Variants in FAT2 observed in about 807,000 individuals in gnomAD.
FAT2 encodes the protein FAT atypical cadherin 2.
In FAT2, 150 loss-of-function variants were observed where a neutral mutation model predicts 295.3. That is an observed-to-expected ratio of 0.51 (90% CI 0.44 to 0.58). The LOEUF is 0.58. Among genes scored for constraint, FAT2 ranks in the 20% least tolerant of loss-of-function variants. The pLI, the probability that FAT2 is intolerant of heterozygous loss-of-function variation, is 0.00. For synonymous variants in FAT2, 2,026 were observed against 2,150.3 expected, an observed-to-expected ratio of 0.94 and a Z score of 1.60; for missense variants, 4,868 against 5,442.7, an observed-to-expected ratio of 0.89 and a Z score of 3.32.
chr5:151,571,857 A>T (rs527810468), intron 1 of FAT2, among the ~76,000 whole-genome samples: 84 of 152,348 alleles, frequency 5.5e-4, no homozygotes, highest in Non-Finnish European at 1.0e-3. Flanking sequence ...GTGGCTTCCC[A>T]TAGCACTTAG....
Position 151,566,460 on chromosome 5 carries a change from C to T in FAT2, c.2472G>A (p.Gly824=), listed in dbSNP as rs115994870. The change falls in exon 2 of 24, where the codon GGG becomes GGA. Residue 824 remains glycine, a synonymous_variant. Coordinates refer to ENST00000261800, the MANE Select transcript of FAT2 (RefSeq NM_001447.3). ...NDNAPRFPPG[G]YQLTISEDTE... is the part of the protein sequence containing the mutation. ...TGTCCTCCGAGATGGTTAACTGGTA[C>T]CCACCGGGAGGAAATCTGGGTGCGT... 1,392 of 1,613,258 alleles carry T rather than the reference C, an allele frequency of 8.6e-4. 9 individuals are homozygous for T. In the African/African-American group the frequency reaches 0.017, roughly 20 times the overall value.
At chr5:151,517,521 T>G in intron 20 of FAT2, 99 bp downstream of exon 20, 1 of 1,446,024 alleles carries the variant, frequency 6.9e-7, no homozygotes, top group Middle Eastern at 2.5e-4. Flanking sequence ...CAGGGATTTC[T>G]TTGGCAGAAA....
chr5:151,534,765 T>C (rs1301441330), intron 12 of FAT2, 123 bp from the exon 13 acceptor site: 1 of 721,792 alleles, frequency 1.4e-6, no homozygotes, highest in East Asian at 2.7e-5. Flanking sequence ...CAAGGAGGGG[T>C]CAATACAGTC....
At chr5:151,523,788 A>C (rs1008081135) in intron 18 of FAT2, among the ~76,000 whole-genome samples, 6 of 152,092 alleles carry the variant, frequency 3.9e-5, no homozygotes, top group Admixed American at 2.0e-4. Flanking sequence ...CTCTGCTTGG[A>C]TGTCTCACAA....
At chr5:151,534,970 A>AATATATATATATATATATATATGTATAT (rs1755085483) in intron 12 of FAT2, among the ~76,000 whole-genome samples, 1 of 106,390 alleles carries the variant, frequency 9.4e-6, no homozygotes, top group African/African-American at 3.0e-5. Context: ...CTTCTAGGAA[A>AATATATATATATATATATATATGTATAT]ATATATATAT....
Position 151,542,698 on chromosome 5 carries a change from A to G in FAT2, c.8429T>C (p.Met2810Thr), listed in dbSNP as rs200741858. 1.3e-5 allele frequency: 21 copies of G among 1,614,110 alleles called. No homozygotes were observed. The African/African-American group carries it at 1.7e-4, about 13-fold the overall frequency. The stretch of plus-strand genomic sequence containing the variant: ...TTGAATGACTGAGGTCCCCACTGGC[A>G]TATTCTCAGTGAGGACAGCCTTATA... ...DPYKAVLTEN[M>T]PVGTSVIQVT... Residue 2810 changes from methionine to threonine, a missense_variant, in exon 10 of 24, where the codon ATG becomes ACG. This residue lies in a region of FAT2 where 3,297 missense variants were observed against 3,669.4 expected (regional missense o/e 0.90). Transcript: ENST00000261800.
Position 151,554,527 on chromosome 5 carries a change from A to AG in FAT2, c.3779dup (p.Gly1261TrpfsTer13), listed in dbSNP as rs772598045. 1 of 1,614,226 alleles carries AG rather than the reference A, an allele frequency of 6.2e-7. No individual in the cohort carries two copies. The highest frequency in any genetic ancestry group is 2.2e-5 in the East Asian group (1 of 44,884). On this transcript the variant is annotated frameshift_variant, in exon 5 of 24. Coordinates refer to ENST00000261800, the MANE Select transcript of FAT2 (RefSeq NM_001447.3). LOFTEE classifies it high-confidence loss of function. Reference sequence around the variant, plus strand: ...AAGCCACCAGCCTGTACACAGGCCCAGGGGACACAGGGCTCAGCCTCTCTG... The same window carrying AG: ...AAGCCACCAGCCTGTACACAGGCCCAGGGGGACACAGGGCTCAGCCTCTCTG...
rs547470030 is a variant in FAT2 at position 151,539,512 on chromosome 5, A to G, written c.9039+1055T>C. Among the ~76,000 whole-genome samples, 3 of 152,258 alleles carry G rather than the reference A, an allele frequency of 2.0e-5. No individual in the cohort carries two copies. In the South Asian group the frequency reaches 6.2e-4, roughly 32 times the overall value. ...TGTTTATGTGTATATATGCATAGGTATTTGCCTGTGTGTATAGGGTTGTAG... is the reference window on the plus strand; with the variant it reads ...TGTTTATGTGTATATATGCATAGGTGTTTGCCTGTGTGTATAGGGTTGTAG... On this transcript the variant is annotated intron_variant, in intron 11 of 23. Coordinates refer to ENST00000261800, the MANE Select transcript of FAT2 (RefSeq NM_001447.3).
In FAT2 at chr5:151,521,738, C is replaced by T. The variant is rs1405870851; in HGVS notation, c.10855G>A (p.Val3619Met). The stretch of plus-strand genomic sequence containing the variant: ...AGAGCCTCCTGCCCCACATGCCACA[C>T]GTACACATGGACCCCAGCAGTCGTG... Reference protein sequence around the residue: ...FTTTAGVHVYVWHVGQEALQQ... With the variant: ...FTTTAGVHVYMWHVGQEALQQ... The change falls in exon 19 of 24, where the codon GTG becomes ATG. Residue 3619 changes from valine (V) to methionine (M), a missense_variant. Val to Met is a conservative substitution (Grantham distance 21). This residue lies in a region of FAT2 where 1,046 missense variants were observed against 1,210.1 expected (regional missense o/e 0.86). Transcript: ENST00000261800. The T allele has an allele frequency of 2.5e-6, 4 of 1,614,042 alleles. No homozygotes were observed. The highest frequency in any genetic ancestry group is 2.5e-6 in the Non-Finnish European group (3 of 1,180,018).
At chr5:151,589,083 G>A (rs1391214644) in intron 1 of FAT2, among the ~76,000 whole-genome samples, 1 of 152,170 alleles carries the variant, frequency 6.6e-6, no homozygotes, top group Non-Finnish European at 1.5e-5. Context: ...CTAGTATTGA[G>A]GCTCTGAGCT....
chr5:151,552,371 G>A (rs76021205), intron 6 of FAT2, among the ~76,000 whole-genome samples: 7,272 of 152,254 alleles, frequency 0.048, 239 homozygotes, highest in East Asian at 0.087. Flanking sequence ...CCGTAAGCCA[G>A]AACTGGAAGT....
rs754295945 is a variant in FAT2 at position 151,505,762 on chromosome 5, C to T, written c.12853G>A (p.Gly4285Arg). Residue 4285 changes from glycine to arginine, a missense_variant, in exon 24 of 24, where the codon GGG (glycine) becomes AGG (arginine). Gly to Arg is a moderately radical substitution (Grantham distance 125). This residue lies in a region of FAT2 where 492 missense variants were observed against 482.6 expected (regional missense o/e 1.02). Coordinates refer to ENST00000261800, the MANE Select transcript of FAT2 (RefSeq NM_001447.3). ...SYYHSQFRQGGGGPCLADGGY... is the reference protein window; with the variant it reads ...SYYHSQFRQGRGGPCLADGGY... ...CCGTCTGCCAGGCAGGGCCCTCCCC[C>T]TCCCTGCCGGAACTGCGAGTGGTAG... 2.6e-5 allele frequency: 42 copies of T among 1,613,706 alleles called. No individual in the cohort carries two copies. Among genetic ancestry groups the T allele is most frequent in the African/African-American group, 1.6e-4 (12 of 74,918 alleles).
rs180835082 is a variant in FAT2, at chr5:151,509,122, C to T, written c.12059+899G>A. ...GCTGGCAGTGGGGTTCCAGGCACAG[C>T]AGCACCTGCCCAAGTGGAACCATTT... is the stretch of plus-strand genomic sequence containing the variant. On this transcript the variant is annotated intron_variant, in intron 22 of 23. Coordinates refer to ENST00000261800, the MANE Select transcript of FAT2 (RefSeq NM_001447.3). 4.1e-3 allele frequency among the ~76,000 whole-genome samples: 620 copies of T among 152,320 alleles called. 2 individuals are homozygous for T. The highest frequency in any genetic ancestry group is 0.012 in the South Asian group (57 of 4,826).
chr5:151,540,938 C>G (rs1303348095), intron 10 of FAT2, among the ~76,000 whole-genome samples, 175 bp from the exon 11 acceptor site: 1 of 152,246 alleles, frequency 6.6e-6, no homozygotes, highest in African/African-American at 2.4e-5. Context: ...TGTTATGAAG[C>G]TACTTCTACT....
chr5:151,592,348 G>A (rs1335319074), upstream of FAT2, among the ~76,000 whole-genome samples: 2 of 152,122 alleles, frequency 1.3e-5, no homozygotes, highest in East Asian at 3.8e-4. Context: ...ACCGTACTAG[G>A]CCCTGGGGAC....
chr5:151,528,156 T>C, intron 15 of FAT2, 23 bp from the exon 16 acceptor site: 1 of 1,610,608 alleles, frequency 6.2e-7, no homozygotes, highest in Non-Finnish European at 8.5e-7. Flanking sequence ...AGGGGGATTG[T>C]GAATGGAGGG....
chr5:151,549,483 A>G lies in FAT2; in HGVS notation c.4601T>C (p.Ile1534Thr), dbSNP rs1034213539. The change falls in exon 9 of 24, where the codon ATC becomes ACC. Residue 1534 changes from isoleucine to threonine, a missense_variant. Transcript: ENST00000261800. ...GGTCACCCACACGAAGTTCCTCTTG[A>G]TAGGTATTTCCTGGTCTCGGACCTA... is the stretch of plus-strand genomic sequence containing the variant. ...TVMVRDQEIP[I>T]KRNFVWVTIH... 3 of 1,614,158 alleles carry G rather than the reference A, an allele frequency of 1.9e-6. No homozygotes were observed. Among genetic ancestry groups the G allele is most frequent in the Non-Finnish European group, 2.5e-6 (3 of 1,180,028 alleles).
At chr5:151,589,806 T>C (rs1759327743) in intron 1 of FAT2, among the ~76,000 whole-genome samples, 1 of 152,076 alleles carries the variant, frequency 6.6e-6, no homozygotes, top group African/African-American at 2.4e-5. Flanking sequence ...GAGGCTGATG[T>C]GGGAGGATTG....
intron 2 of FAT2, among the ~76,000 whole-genome samples, chr5:151,565,063 A>C (rs1023093571): frequency 1.3e-5 from 2 of 152,194 alleles, no homozygotes; most frequent in African/African-American, 4.8e-5. Context: ...TGACAGAGCA[A>C]GACTCCATCT....
Sources: allele counts gnomAD v4.1 joint callset (sites outside exome capture counted in the v4.1 genomes callset), GRCh38; gene constraint gnomAD v4.1.1; regional missense constraint gnomAD v4.1.1; transcripts MANE v1.5; gene names NCBI Gene and HGNC (gene_info 2026-07-23, HGNC 2026-07-21).